The following CHRNB4 variants were observed in gnomAD, a reference collection of about 807,000 sequenced individuals.
CHRNB4 encodes cholinergic receptor nicotinic beta 4 subunit, also known as neuronal acetylcholine receptor subunit beta-4.
Under a neutral mutation model 40.4 loss-of-function variants are expected in CHRNB4, and 23 were observed. The ratio of observed to expected loss-of-function variants is 0.57; its 90% CI spans 0.41 to 0.81. The LOEUF is 0.81. Ranked by LOEUF, CHRNB4 falls within the 30% of genes least tolerant of loss-of-function variation. CHRNB4 has a pLI of 0.00. For synonymous variants in CHRNB4, 285 were observed against 274.4 expected (o/e 1.04, Z -0.38); for missense variants, 568 against 670.6 (o/e 0.85, Z 1.69).
At position 78,631,135 on chromosome 15, in the gene CHRNB4, C is replaced by T; in HGVS notation, c.300G>A (p.Val100=). 6.2e-7 allele frequency: 1 copy of T among 1,614,244 alleles called. No individual in the cohort carries two copies. Among genetic ancestry groups the T allele is most frequent in the Non-Finnish European group, 8.5e-7 (1 of 1,180,040 alleles). The change falls in exon 4 of 6, where the codon GTG becomes GTA. Residue 100 remains valine, a synonymous_variant. Transcript: ENST00000261751. ...GCTTTGCAGGGATCCTCAGGATGTT[C>T]ACACCCTCGTAGCGGGAGCTGTTCC... ...LTWNSSRYEG[V]NILRIPAKRI... is the part of the protein sequence containing the mutation.
intron 1 of CHRNB4, among the ~76,000 whole-genome samples, chr15:78,637,606 T>TGTGGGTAGG (rs1238912248): frequency 6.6e-6 from 1 of 152,096 alleles, no homozygotes; most frequent in Non-Finnish European, 1.5e-5. Flanking sequence ...CCCCTTCCTC[T>TGTGGGTAGG]GTGGGTAGGG....
upstream of CHRNB4, among the ~76,000 whole-genome samples, chr15:78,645,567 A>G (rs1490696589): frequency 6.6e-6 from 1 of 151,962 alleles, no homozygotes; most frequent in Non-Finnish European, 1.5e-5. Context: ...TGAAGGGCCC[A>G]GTGAGATTGA....
upstream of CHRNB4, among the ~76,000 whole-genome samples, chr15:78,645,280 T>C (rs1216893363): frequency 6.6e-6 from 1 of 152,188 alleles, no homozygotes; most frequent in African/African-American, 2.4e-5. Context: ...TGCCTTTCTC[T>C]TGGATGCCAC....
At chr15:78,661,135 G>A (rs2054249592), upstream of CHRNB4, 5 of 622,004 alleles carry the variant, frequency 8.0e-6, no homozygotes, top group South Asian at 5.5e-5. Flanking sequence ...GCTGTGCGGC[G>A]TTCCTGGGGC....
Position 78,625,321 on chromosome 15 carries a change from G to A in CHRNB4, c.1339-30C>T, listed in dbSNP as rs768766681. 3.1e-5 allele frequency: 47 copies of A among 1,520,660 alleles called. No homozygotes were observed. In the Admixed American group the frequency reaches 7.1e-4, roughly 23 times the overall value. The allele number at this position is 1,520,660 out of a possible 1,614,324, so 94.2% of individuals were successfully genotyped here. On this transcript the variant is annotated intron_variant, in intron 5 of 5. Transcript: ENST00000261751. ...AGGCAGACAGAGGAGTTGGTCACAG[G>A]TGCCAAGTACTGGGGTCCCTCCTTT...
chr15:78,628,709 C>A (rs1368882162), intron 5 of CHRNB4, among the ~76,000 whole-genome samples: 5 of 152,194 alleles, frequency 3.3e-5, no homozygotes, highest in African/African-American at 1.2e-4. Context: ...TCAAGTAAAC[C>A]ACCTGCACCC....
At chr15:78,658,474 G>C (rs1300742124) in intron 1 of CHRNB4, 3 of 152,180 alleles carry the variant, frequency 2.0e-5, no homozygotes, top group Non-Finnish European at 4.4e-5. Flanking sequence ...CTGGGGCTCA[G>C]AGACTGCCCT....
At position 78,629,040 on chromosome 15, in the gene CHRNB4, T is replaced by C; in HGVS notation, c.1265A>G (p.Gln422Arg). 6.2e-7 allele frequency: 1 copy of C among 1,614,198 alleles called. No homozygotes were observed. Among genetic ancestry groups the C allele is most frequent in the Non-Finnish European group, 8.5e-7 (1 of 1,180,042 alleles). ...ACCTTCTAATGCCTCCTGCACATCC[T>C]GTCGGAACCTCCCAGAGGACCGCAG... ...FWLRSSGRFR[Q>R]DVQEALEGVS... The change falls in exon 5 of 6, where the codon CAG becomes CGG. Residue 422 changes from glutamine to arginine, a missense_variant. By Grantham distance (43) the Gln-to-Arg change is conservative (BLOSUM62 1). Transcript: ENST00000261751. The surrounding 1 kb of genome is among the most constrained non-coding windows in gnomAD (Gnocchi z 6.8).
intron 5 of CHRNB4, chr15:78,655,462 A>ATC (rs374451854): frequency 4.8e-4 from 37 of 76,946 alleles, no homozygotes; most frequent in Non-Finnish European, 1.3e-3. Flanking sequence ...ATATATCTAT[A>ATC]TATCTATATC....
intron 5 of CHRNB4, among the ~76,000 whole-genome samples, chr15:78,625,730 C>T (rs761899184): frequency 6.6e-6 from 1 of 152,176 alleles, no homozygotes; most frequent in Non-Finnish European, 1.5e-5. Flanking sequence ...TCAGTGAGAG[C>T]AGAGAAACCG....
At chr15:78,651,821 C>T (rs1325039792) in intron 6 of CHRNB4, among the ~76,000 whole-genome samples, 2 of 152,168 alleles carry the variant, frequency 1.3e-5, no homozygotes, top group Non-Finnish European at 2.9e-5. Flanking sequence ...TTAGCAGCTC[C>T]AGAAGAAGGC....
chr15:78,645,415 A>G (rs1207085601), upstream of CHRNB4, among the ~76,000 whole-genome samples: 1 of 152,034 alleles, frequency 6.6e-6, no homozygotes, highest in Non-Finnish European at 1.5e-5. Context: ...GAGTATAAAA[A>G]ACTCTACTTC....
chr15:78,626,341 GGTGTGTGTGTGTGTGTGTGTGTGTGT>G (rs747140868), intron 5 of CHRNB4: 1 of 74,352 alleles, frequency 1.3e-5, no homozygotes, highest in African/African-American at 5.2e-5. Flanking sequence ...TTCAAGCGGG[GGTGTGTGTGTGTGTGTGTGTGTGTGT>G]GTGTGTGTGT....
intron 5 of CHRNB4, 144 bp from the exon 6 acceptor site, chr15:78,625,435 GGCTGGCCTCCCA>G (rs2053629698): frequency 2.8e-6 from 2 of 717,468 alleles, no homozygotes; most frequent in Non-Finnish European, 4.3e-6. Context: ...CTGAGTCCCA[GGCTGGCCTCCCA>G]GCTGGGCAGC....
intron 1 of CHRNB4, among the ~76,000 whole-genome samples, chr15:78,637,037 A>T (rs2053965821): frequency 6.6e-6 from 1 of 152,158 alleles, no homozygotes; most frequent in South Asian, 2.1e-4. Context: ...TTAGACCTAC[A>T]GAGTGTAAGG....
chr15:78,653,641 C>T (rs1472026029), intron 5 of CHRNB4, among the ~76,000 whole-genome samples: 1 of 151,890 alleles, frequency 6.6e-6, no homozygotes, highest in Non-Finnish European at 1.5e-5. Flanking sequence ...CATCTTCAGG[C>T]TTTACCTCAG....
chr15:78,660,931 T>C, upstream of CHRNB4: 1 of 387,764 alleles, frequency 2.6e-6, no homozygotes, highest in South Asian at 2.2e-5. Flanking sequence ...GGGGATTTGA[T>C]TGAAACGCAG....
chr15:78,647,728 C>CA (rs988754725), intron 7 of CHRNB4, among the ~76,000 whole-genome samples: 2 of 148,602 alleles, frequency 1.3e-5, no homozygotes, highest in Non-Finnish European at 3.0e-5. Context: ...GGCGTGGTGG[C>CA]AGGCACCTGT....
chr15:78,642,393 G>T (rs769038759), upstream of CHRNB4, among the ~76,000 whole-genome samples: 1 of 152,224 alleles, frequency 6.6e-6, no homozygotes, highest in Admixed American at 6.5e-5. Context: ...AACCAGAAAA[G>T]AAATGCAAAG....
Sources: allele counts gnomAD v4.1 joint callset (sites outside exome capture counted in the v4.1 genomes callset), GRCh38; gene constraint gnomAD v4.1.1; non-coding constraint Gnocchi (gnomAD v3.1); transcripts MANE v1.5; gene names NCBI Gene and HGNC (gene_info 2026-07-23, HGNC 2026-07-21).